Variants in SYNRG observed in about 807,000 individuals in gnomAD.
The protein encoded by SYNRG is synergin gamma, also known as AP1 gamma subunit binding protein 1.
A neutral mutation model predicts 130.9 loss-of-function variants in SYNRG; 37 were observed. That is an observed-to-expected ratio of 0.28 (90% CI 0.22 to 0.37). The LOEUF (loss-of-function observed/expected upper bound fraction) is 0.37, where lower values mean the gene tolerates loss of function less well. SYNRG is among the 10% of genes least tolerant of loss of function. The pLI is 1.00. For missense variants in SYNRG, 1,338 were observed against 1,588.9 expected, an observed-to-expected ratio of 0.84 and a Z score of 2.68; for synonymous variants, 539 against 568.1, an observed-to-expected ratio of 0.95 and a Z score of 0.73.
Position 37,540,542 on chromosome 17 carries a change from T to C in SYNRG, c.3204A>G (p.Gly1068=). 3.7e-6 allele frequency: 6 copies of C among 1,613,790 alleles called. No individual in the cohort carries two copies. The highest frequency in any genetic ancestry group is 5.1e-6 in the Non-Finnish European group (6 of 1,179,940). ...CAAGGCTCAAACTCCTCTTGTGTGA[T>C]CCTGGGAGAAGGGGATAATACAGTC... ...ELATFDLSVQ[G]SHKRSLSLGD... Residue 1068 remains glycine, a splice_region_variant and synonymous_variant, in exon 16 of 22, where the codon GGA becomes GGG. Coordinates refer to ENST00000612223, the MANE Select transcript of SYNRG (RefSeq NM_007247.6).
At chr17:37,520,156 G>C in intron 21 of SYNRG, 23 bp downstream of exon 21, 1 of 1,614,062 alleles carries the variant, frequency 6.2e-7, no homozygotes, top group Non-Finnish European at 8.5e-7. Flanking sequence ...GAGACGCTAA[G>C]ATAAGGTGTA....
Position 37,553,360 on chromosome 17 carries a change from T to A in SYNRG, c.2363A>T (p.Asn788Ile). The A allele has an allele frequency of 6.2e-7, 1 of 1,614,172 alleles. No individual in the cohort carries two copies. Among genetic ancestry groups the A allele is most frequent in the Non-Finnish European group, 8.5e-7 (1 of 1,180,036 alleles). Residue 788 changes from asparagine to isoleucine, a missense_variant, in exon 14 of 22, where the codon AAC becomes ATC. This residue lies in a region of SYNRG where 1,146 missense variants were observed against 1,342.3 expected (regional missense o/e 0.85). Transcript: ENST00000612223. Reference sequence around the variant, plus strand: ...TTTCTCTCCCAGGGATTTGTCCGAGTTTATGGAAGAAAATTTACTGGAGTG... The same window carrying A: ...TTTCTCTCCCAGGGATTTGTCCGAGATTATGGAAGAAAATTTACTGGAGTG... ...DFHSSKFSSI[N>I]SDKSLGEKAV...
At chr17:37,581,834 C>T (rs1398116164) in intron 6 of SYNRG, among the ~76,000 whole-genome samples, 1 of 149,482 alleles carries the variant, frequency 6.7e-6, no homozygotes, top group Non-Finnish European at 1.5e-5. Context: ...GCATGATCTC[C>T]GCTCACAGCA....
intron 14 of SYNRG, among the ~76,000 whole-genome samples, chr17:37,545,217 C>T (rs2058166936): frequency 1.3e-5 from 2 of 149,734 alleles, no homozygotes; most frequent in Non-Finnish European, 1.5e-5. Flanking sequence ...GAAACTCCGT[C>T]TCAAAAAAAA....
At chr17:37,588,951 A>C (rs1371379657) in intron 3 of SYNRG, among the ~76,000 whole-genome samples, 1 of 152,190 alleles carries the variant, frequency 6.6e-6, no homozygotes, top group Non-Finnish European at 1.5e-5. Context: ...TTTCCCCTAC[A>C]CCTGGAAAGG....
At position 37,606,916 on chromosome 17, in the gene SYNRG, T is replaced by C. The variant is rs1243857797; in HGVS notation, c.77+2363A>G. 4.6e-5 allele frequency among the ~76,000 whole-genome samples: 7 copies of C among 152,294 alleles called. No homozygotes were observed. The East Asian group carries it at 9.6e-4, about 21-fold the overall frequency. On this transcript the variant is annotated intron_variant, in intron 1 of 21. Coordinates refer to ENST00000612223, the MANE Select transcript of SYNRG (RefSeq NM_007247.6). ...TTCTTCAAATATACTTAGGTTGCCA[T>C]AATGTTAAGTTTCCTTATAAAATAA...
chr17:37,557,977 C>T (rs1001013897), intron 13 of SYNRG, among the ~76,000 whole-genome samples: 13 of 152,152 alleles, frequency 8.5e-5, no homozygotes, highest in African/African-American at 3.1e-4. Flanking sequence ...ACACAAGAAT[C>T]CTCATGTTAA....
chr17:37,564,896 A>C (rs139510421), intron 11 of SYNRG, among the ~76,000 whole-genome samples: 1 of 152,358 alleles, frequency 6.6e-6, no homozygotes, highest in Non-Finnish European at 1.5e-5. Context: ...AGTGTCTGGC[A>C]TATAGCAAAT....
chr17:37,577,693 T>TTA, intron 6 of SYNRG, 80 bp from the exon 7 acceptor site: 15 of 991,724 alleles, frequency 1.5e-5, no homozygotes, highest in Non-Finnish European at 2.0e-5. Context: ...CACCCCCATA[T>TTA]TCTTTTTTTT....
At chr17:37,561,438 A>C in intron 12 of SYNRG, 33 bp downstream of exon 12, 1 of 1,563,752 alleles carries the variant, frequency 6.4e-7, no homozygotes, top group South Asian at 1.1e-5. Context: ...GCAATTTAGC[A>C]TTCACAAGTT....
At chr17:37,543,009 TAA>T (rs1355738837) in intron 14 of SYNRG, among the ~76,000 whole-genome samples, 1 of 152,226 alleles carries the variant, frequency 6.6e-6, no homozygotes, top group African/African-American at 2.4e-5. Context: ...GCAAAATAAT[TAA>T]AAGTTGACAG....
chr17:37,597,382 A>G (rs972827324), intron 2 of SYNRG, among the ~76,000 whole-genome samples: 1 of 152,254 alleles, frequency 6.6e-6, no homozygotes, highest in African/African-American at 2.4e-5. Flanking sequence ...TTTACTTTTT[A>G]AAGTTTGGGA....
At chr17:37,585,454 A>G (rs1337520207) in intron 4 of SYNRG, 24 bp from the exon 5 acceptor site, 2 of 1,537,928 alleles carry the variant, frequency 1.3e-6, no homozygotes, top group Admixed American at 1.7e-5. Flanking sequence ...GATCTAATAA[A>G]GAACCAGCTC....
Position 37,553,822 on chromosome 17 carries a change from G to GA in SYNRG, c.1900dup (p.Ser634PhefsTer5). 6.2e-7 allele frequency: 1 copy of GA among 1,613,224 alleles called. No homozygotes were observed. Among genetic ancestry groups the GA allele is most frequent in the African/African-American group, 1.3e-5 (1 of 74,958 alleles). On this transcript the variant is annotated frameshift_variant, in exon 14 of 22. Coordinates refer to ENST00000612223, the MANE Select transcript of SYNRG (RefSeq NM_007247.6). LOFTEE classifies it high-confidence loss of function. ...TGATTTTGATGTGCTAAACACAGCT[G>GA]AAAAAGACAATGGTTTCTCGCTGCT...
intron 1 of SYNRG, among the ~76,000 whole-genome samples, chr17:37,604,996 A>G (rs2063625365): frequency 6.6e-6 from 1 of 152,220 alleles, no homozygotes. Context: ...ATCAAAGATC[A>G]CTGATCACAG....
chr17:37,570,744 G>A lies in SYNRG; in HGVS notation c.1240C>T (p.Pro414Ser). The stretch of plus-strand genomic sequence containing the variant: ...ATGACTGGCTGTCCAAGGCTGAGGG[G>A]CATGGAGCCCGCAGGACCTGAAGGT... ...VIPSGPAGSM[P>S]LSLGQPVMGI... Residue 414 changes from proline (P) to serine (S), a missense_variant, in exon 10 of 22, where the codon CCC (proline) becomes TCC (serine). Pro to Ser is a moderately conservative substitution (Grantham distance 74). Around this residue, in one of 3 missense-constraint regions of SYNRG, gnomAD observed 1,146 missense variants for 1,342.3 expected, o/e 0.85. Coordinates refer to ENST00000612223, the MANE Select transcript of SYNRG (RefSeq NM_007247.6). 6.2e-7 allele frequency: 1 copy of A among 1,614,220 alleles called. No homozygotes were observed. Among genetic ancestry groups the A allele is most frequent in the Non-Finnish European group, 8.5e-7 (1 of 1,180,036 alleles).
At chr17:37,535,246 C>A (rs2057077825) in intron 19 of SYNRG, among the ~76,000 whole-genome samples, 2 of 151,678 alleles carry the variant, frequency 1.3e-5, no homozygotes, top group Middle Eastern at 3.2e-3. Flanking sequence ...TGGAACACTG[C>A]AAAGCCTCTC....
chr17:37,572,154 G>C (rs1312760984), intron 8 of SYNRG, among the ~76,000 whole-genome samples, 167 bp from the exon 9 acceptor site: 1 of 152,162 alleles, frequency 6.6e-6, no homozygotes, highest in East Asian at 1.9e-4. Context: ...GCAGCTGGGC[G>C]TGGTGGCTCA....
intron 19 of SYNRG, among the ~76,000 whole-genome samples, chr17:37,521,901 T>A (rs2055118341): frequency 6.6e-6 from 1 of 151,828 alleles, no homozygotes; most frequent in Non-Finnish European, 1.5e-5. Flanking sequence ...AGGACCAGGT[T>A]TGAGGATGGA....
Sources: allele counts gnomAD v4.1 joint callset (sites outside exome capture counted in the v4.1 genomes callset), GRCh38; gene constraint gnomAD v4.1.1; regional missense constraint gnomAD v4.1.1; transcripts MANE v1.5; gene names NCBI Gene and HGNC (gene_info 2026-07-23, HGNC 2026-07-21).